AGBL1: variants seen among roughly 807,000 people sequenced by gnomAD.
The protein encoded by AGBL1 is cytosolic carboxypeptidase 4.
A neutral mutation model predicts 118.9 loss-of-function variants in AGBL1; 130 were observed. The observed-to-expected ratio is 1.09, with a 90% CI of 0.95 to 1.26. The LOEUF is 1.26. AGBL1 is among the 50% of genes most tolerant of loss of function. The probability of loss-of-function intolerance (pLI) is 0.00; values close to 1 mark genes in which losing one functional copy is unlikely to be tolerated. For synonymous variants in AGBL1, 555 were observed against 478.9 expected, an observed-to-expected ratio of 1.16 and a Z score of -2.08; for missense variants, 1,584 against 1,298.1, an observed-to-expected ratio of 1.22 and a Z score of -3.38.
rs142515728 is a variant in AGBL1, at chr15:86,725,415, GTAAT to G, written c.3158+50985_3158+50988del. Among the ~76,000 whole-genome samples, 924 of 152,314 alleles carry G rather than the reference GTAAT, an allele frequency of 6.1e-3. 11 individuals carry two copies. The highest frequency in any genetic ancestry group is 0.021 in the African/African-American group (876 of 41,570). On this transcript the variant is annotated intron_variant, in intron 22 of 22. Transcript: ENST00000614907. ...AGGGAAAGGGATGGTTTAAAGGTAA[GTAAT>G]TAATTCCTGGGAGGTCAGTTTAGCA...
chr15:86,376,611 T>C (rs758707270), intron 17 of AGBL1, among the ~76,000 whole-genome samples: 5 of 152,218 alleles, frequency 3.3e-5, no homozygotes, highest in African/African-American at 7.2e-5. Flanking sequence ...GGAGTTTGCA[T>C]TGGGGCTTGA....
chr15:86,628,274 A>T (rs978560593), intron 21 of AGBL1, among the ~76,000 whole-genome samples: 2 of 152,142 alleles, frequency 1.3e-5, no homozygotes, highest in Admixed American at 1.3e-4. Flanking sequence ...AGGTTCAGTG[A>T]TCATGCTTTG....
downstream of AGBL1, among the ~76,000 whole-genome samples, chr15:86,920,935 A>G (rs1232614925): frequency 3.3e-5 from 5 of 152,210 alleles, no homozygotes; most frequent in South Asian, 6.2e-4. Flanking sequence ...GCATTAAGGC[A>G]AAACATCCAC....
chr15:86,143,566 C>G, intron 2 of AGBL1, 133 bp from the exon 3 acceptor site: 3 of 1,140,012 alleles, frequency 2.6e-6, no homozygotes, highest in East Asian at 5.1e-5. Flanking sequence ...CAGGTTGCTT[C>G]AAGAACTACA....
intron 22 of AGBL1, among the ~76,000 whole-genome samples, chr15:86,724,235 C>CAAAAAAAAAA (rs1204898095): frequency 4.1e-5 from 3 of 73,824 alleles, no homozygotes; most frequent in African/African-American, 1.1e-4. Flanking sequence ...GACTCCATCT[C>CAAAAAAAAAA]AAAAAAAAAA....
At chr15:86,871,050 T>C (rs2079721007) in intron 22 of AGBL1, among the ~76,000 whole-genome samples, 3 of 152,332 alleles carry the variant, frequency 2.0e-5, no homozygotes, top group South Asian at 2.1e-4. Context: ...ACCCACATGA[T>C]GCCTTCCTGT....
At chr15:86,668,440 A>G (rs370064599) in intron 21 of AGBL1, among the ~76,000 whole-genome samples, 1 of 152,110 alleles carries the variant, frequency 6.6e-6, no homozygotes, top group South Asian at 2.1e-4. Context: ...CAATATACTC[A>G]TTTCTTTCAG....
intron 18 of AGBL1, among the ~76,000 whole-genome samples, chr15:86,398,248 A>C (rs562204496): frequency 6.6e-6 from 1 of 152,292 alleles, no homozygotes; most frequent in East Asian, 1.9e-4. Context: ...CCACATTCTC[A>C]GAGTTTGTGA....
chr15:86,728,178 A>G (rs1023838518), intron 22 of AGBL1, among the ~76,000 whole-genome samples: 2 of 152,194 alleles, frequency 1.3e-5, no homozygotes, highest in Non-Finnish European at 2.9e-5. Flanking sequence ...AGATGTGATA[A>G]GTGAGGTCCA....
chr15:86,952,647 T>C (rs2080891520), intron 23 of AGBL1, among the ~76,000 whole-genome samples: 1 of 152,198 alleles, frequency 6.6e-6, no homozygotes, highest in Non-Finnish European at 1.5e-5. Context: ...CTATTTACCC[T>C]GTTGATAGTT....
intron 17 of AGBL1, among the ~76,000 whole-genome samples, chr15:86,361,126 T>C (rs2080799063): frequency 6.6e-6 from 1 of 152,044 alleles, no homozygotes; most frequent in South Asian, 2.1e-4. Flanking sequence ...GGTATTGCTT[T>C]TCCTGCATCC....
chr15:86,589,752 C>G (rs1366362980), intron 21 of AGBL1, among the ~76,000 whole-genome samples: 2 of 152,118 alleles, frequency 1.3e-5, no homozygotes, highest in Non-Finnish European at 2.9e-5. Flanking sequence ...CTCCCTCCCT[C>G]CCATCCTATC....
intron 18 of AGBL1, among the ~76,000 whole-genome samples, chr15:86,424,002 T>A (rs2081830693): frequency 6.6e-6 from 1 of 152,202 alleles, no homozygotes; most frequent in African/African-American, 2.4e-5. Flanking sequence ...AAGCTACCAT[T>A]GACTTTCTTC....
rs2081302624 is a variant in AGBL1, at chr15:86,988,149, C to T, written c.3323+61C>T. The T allele has an allele frequency of 2.5e-6, 4 of 1,582,046 alleles. No individual in the cohort carries two copies. In the Admixed American group the frequency reaches 5.2e-5, roughly 21 times the overall value. On this transcript the variant is annotated intron_variant, in intron 24 of 24. Coordinates refer to the AGBL1 transcript ENST00000441037. The stretch of plus-strand genomic sequence containing the variant: ...GGGCGGGGATTGCTGGATGAAATAC[C>T]CTGCATGTGACTACATTGGGACTGG...
chr15:86,418,007 T>G (rs1038857552), intron 18 of AGBL1, among the ~76,000 whole-genome samples: 4 of 152,186 alleles, frequency 2.6e-5, no homozygotes, highest in Non-Finnish European at 5.9e-5. Context: ...CTATAGTTGA[T>G]CTAGATGGAT....
At chr15:86,836,093 A>T (rs926315642) in intron 22 of AGBL1, among the ~76,000 whole-genome samples, 1 of 152,228 alleles carries the variant, frequency 6.6e-6, no homozygotes, top group Non-Finnish European at 1.5e-5. Context: ...CCTTGCAAAC[A>T]TGAGAGGCAG....
intron 22 of AGBL1, among the ~76,000 whole-genome samples, chr15:86,827,314 TATACACAC>T (rs1317392170): frequency 0.086 from 992 of 11,492 alleles, 139 homozygotes; most frequent in East Asian, 0.29. Context: ...TATATATATA[TATACACAC>T]ACATATATAT....
intron 22 of AGBL1, among the ~76,000 whole-genome samples, chr15:86,905,252 A>C (rs1313292033): frequency 6.6e-6 from 1 of 152,210 alleles, no homozygotes; most frequent in Non-Finnish European, 1.5e-5. Context: ...ACTAGAGCCA[A>C]CTGTGCAGGA....
At chr15:86,932,056 T>A in intron 23 of AGBL1, among the ~76,000 whole-genome samples, 1 of 152,288 alleles carries the variant, frequency 6.6e-6, no homozygotes, top group East Asian at 1.9e-4. Flanking sequence ...ATTTATCTTA[T>A]CTAGCTTGTA....
Sources: allele counts gnomAD v4.1 joint callset (sites outside exome capture counted in the v4.1 genomes callset), GRCh38; gene constraint gnomAD v4.1.1; transcripts MANE v1.5; gene names NCBI Gene and HGNC (gene_info 2026-07-23, HGNC 2026-07-21).